The following TMEM117 variants were observed in gnomAD, a reference collection of about 807,000 sequenced individuals.
The protein encoded by TMEM117 is transmembrane protein 117.
TMEM117 carries 27 observed loss-of-function variants against 52.4 expected under a neutral mutation model. The ratio of observed to expected loss-of-function variants is 0.51; its 90% CI spans 0.38 to 0.71. The LOEUF (loss-of-function observed/expected upper bound fraction) is 0.71, where lower values mean the gene tolerates loss of function less well. Ranked by LOEUF, TMEM117 falls within the 30% of genes least tolerant of loss-of-function variation. The probability of loss-of-function intolerance (pLI) is 0.00; values close to 1 mark genes in which losing one functional copy is unlikely to be tolerated. For synonymous variants in TMEM117, 215 were observed against 206.3 expected, an observed-to-expected ratio of 1.04 and a Z score of -0.36; for missense variants, 556 against 630.5, an observed-to-expected ratio of 0.88 and a Z score of 1.26.
chr12:44,091,317 G>A (rs1947667935), intron 3 of TMEM117, among the ~76,000 whole-genome samples: 1 of 152,132 alleles, frequency 6.6e-6, no homozygotes, highest in African/African-American at 2.4e-5. Context: ...AATTCAAGTT[G>A]AGATTTGGGT....
intron 5 of TMEM117, among the ~76,000 whole-genome samples, chr12:44,238,964 A>G (rs1233702477): frequency 8.5e-5 from 13 of 152,134 alleles, no homozygotes; most frequent in Non-Finnish European, 1.9e-4. Flanking sequence ...AAGTTGCTTT[A>G]GATTATTGTG....
chr12:43,812,450 A>G, the TMEM117 span, among the ~76,000 whole-genome samples: 7 of 152,338 alleles, frequency 4.6e-5, no homozygotes, highest in African/African-American at 9.6e-5. Context: ...ACTCACTGCA[A>G]TGCAGCACAT....
chr12:44,222,965 G>T (rs1052590109), intron 5 of TMEM117, among the ~76,000 whole-genome samples: 1 of 146,724 alleles, frequency 6.8e-6, no homozygotes, highest in African/African-American at 2.7e-5. Context: ...CTATTTAATA[G>T]TAAGTGTGAA....
intron 3 of TMEM117, among the ~76,000 whole-genome samples, chr12:44,135,795 C>T (rs997126733): frequency 6.6e-6 from 1 of 152,146 alleles, no homozygotes; most frequent in African/African-American, 2.4e-5. Flanking sequence ...TTCCTGGCAA[C>T]TGTTAATTAT....
intron 3 of TMEM117, among the ~76,000 whole-genome samples, chr12:44,134,300 G>A (rs1701088): frequency 2.0e-5 from 3 of 151,776 alleles, no homozygotes; most frequent in Admixed American, 1.3e-4. Context: ...TCGCTGTAGC[G>A]TTGACCTCCT....
At chr12:44,011,908 A>G (rs1946297209) in intron 3 of TMEM117, among the ~76,000 whole-genome samples, 1 of 152,218 alleles carries the variant, frequency 6.6e-6, no homozygotes, top group South Asian at 2.1e-4. Flanking sequence ...TATACACTGG[A>G]CAAAGAGATG....
At chr12:44,243,442 A>G (rs1205999296) in intron 5 of TMEM117, among the ~76,000 whole-genome samples, 2 of 151,944 alleles carry the variant, frequency 1.3e-5, no homozygotes, top group Non-Finnish European at 2.9e-5. Flanking sequence ...ACTAATTTTA[A>G]ATAAATAATA....
chr12:44,020,019 T>G (rs912200686), intron 3 of TMEM117, among the ~76,000 whole-genome samples: 1 of 152,212 alleles, frequency 6.6e-6, no homozygotes, highest in Non-Finnish European at 1.5e-5. Flanking sequence ...CTGTGTAGCA[T>G]AGGGAATGGT....
At chr12:44,355,922 T>G (rs574139377) in intron 6 of TMEM117, among the ~76,000 whole-genome samples, 1 of 152,120 alleles carries the variant, frequency 6.6e-6, no homozygotes, top group African/African-American at 2.4e-5. Flanking sequence ...GGAGACTGTT[T>G]CATAAAGATT....
intron 4 of TMEM117, among the ~76,000 whole-genome samples, chr12:44,191,355 C>G (rs1480638655): frequency 1.3e-5 from 2 of 148,400 alleles, no homozygotes; most frequent in Non-Finnish European, 3.0e-5. Flanking sequence ...GTCTATCTAT[C>G]TATCTGTCTG....
intron 5 of TMEM117, among the ~76,000 whole-genome samples, chr12:44,266,740 T>C (rs1036191453): frequency 1.3e-5 from 2 of 152,170 alleles, no homozygotes; most frequent in Non-Finnish European, 2.9e-5. Context: ...ATGAGTTTTA[T>C]AGCTTTAGCT....
chr12:44,035,871 A>G (rs1254618644), intron 3 of TMEM117, among the ~76,000 whole-genome samples: 1 of 152,208 alleles, frequency 6.6e-6, no homozygotes, highest in Admixed American at 6.5e-5. Context: ...TCACACCTGA[A>G]GAGAAAGGAA....
At position 44,168,152 on chromosome 12, in the gene TMEM117, G is replaced by A. The variant is rs559338636; in HGVS notation, c.510+24528G>A. On this transcript the variant is annotated intron_variant, in intron 4 of 7. Coordinates refer to ENST00000266534, the MANE Select transcript of TMEM117 (RefSeq NM_032256.3). The stretch of plus-strand genomic sequence containing the variant: ...GCCTGTAGTCCCAGCTACTCGGGAG[G>A]CTGAGGCAGAAGAATCCTTGAACCC... 3.7e-3 allele frequency among the ~76,000 whole-genome samples: 569 copies of A among 152,124 alleles called. 2 individuals carry two copies. Among genetic ancestry groups the A allele is most frequent in the Non-Finnish European group, 5.7e-3 (390 of 67,988 alleles).
intron 3 of TMEM117, among the ~76,000 whole-genome samples, chr12:43,967,358 G>A (rs977935013): frequency 1.3e-5 from 2 of 151,932 alleles, no homozygotes; most frequent in South Asian, 2.1e-4. Flanking sequence ...TCCTGGACTC[G>A]AGCGATCCTC....
intron 3 of TMEM117, among the ~76,000 whole-genome samples, chr12:44,073,039 G>C (rs1469776118): frequency 6.6e-6 from 1 of 151,818 alleles, no homozygotes; most frequent in Non-Finnish European, 1.5e-5. Flanking sequence ...GCAGTGAGCT[G>C]AGGTCGTACT....
At chr12:44,058,462 G>A (rs143644433) in intron 3 of TMEM117, among the ~76,000 whole-genome samples, 103 of 152,154 alleles carry the variant, frequency 6.8e-4, no homozygotes, top group African/African-American at 2.2e-3. Context: ...TCAGGTTTTT[G>A]TATTTTTCTT....
At chr12:44,171,085 A>G (rs1027805340) in intron 4 of TMEM117, among the ~76,000 whole-genome samples, 4 of 141,420 alleles carry the variant, frequency 2.8e-5, no homozygotes, top group East Asian at 2.1e-4. Context: ...GCGGGATCTC[A>G]GCTCACTGCA....
the TMEM117 span, chr12:43,799,288 T>G: frequency 1.5e-5 from 10 of 660,800 alleles, no homozygotes; most frequent in Non-Finnish European, 2.2e-5. Context: ...GGAATAAACC[T>G]AAGCTACCTA....
intron 3 of TMEM117, among the ~76,000 whole-genome samples, chr12:44,007,817 CT>C (rs2137798403): frequency 6.6e-6 from 1 of 152,284 alleles, no homozygotes; most frequent in Admixed American, 6.5e-5. Context: ...TAAGCTCTCT[CT>C]TTTTGTCTAC....
Sources: gnomAD v4.1 joint callset for allele counts (sites outside exome capture counted in the v4.1 genomes callset) on GRCh38, gnomAD v4.1.1 for gene constraint, MANE v1.5 for transcripts, NCBI Gene and HGNC (gene_info 2026-07-23, HGNC 2026-07-21) for gene names.